The following MARK2 variants were observed in gnomAD, a reference collection of about 807,000 sequenced individuals.
The protein encoded by MARK2 is serine/threonine-protein kinase MARK2.
MARK2 carries 16 observed loss-of-function variants against 89.8 expected under a neutral mutation model. The observed-to-expected ratio is 0.18, with a 90% CI of 0.12 to 0.27. The LOEUF (loss-of-function observed/expected upper bound fraction) is 0.27, where lower values mean the gene tolerates loss of function less well. Ranked by LOEUF, MARK2 falls within the 10% of genes least tolerant of loss-of-function variation. The pLI, the probability that MARK2 is intolerant of heterozygous loss-of-function variation, is 1.00. For missense variants in MARK2, 621 were observed against 1,049.9 expected (o/e 0.59, Z 5.65); for synonymous variants, 382 against 399.5 (o/e 0.96, Z 0.52).
intron 1 of MARK2, among the ~76,000 whole-genome samples, chr11:63,885,359 C>T (rs913848897): frequency 7.3e-5 from 11 of 150,220 alleles, no homozygotes; most frequent in African/African-American, 2.5e-4. Context: ...GACAAGCTTG[C>T]AAAACCCTAT....
intron 1 of MARK2, chr11:63,869,009 C>T (rs764974383): frequency 2.7e-6 from 1 of 375,140 alleles, no homozygotes; most frequent in Non-Finnish European, 5.4e-6. Context: ...TTTCCGAGGC[C>T]ACTGTGAGTG....
chr11:63,842,528 G>A lies in MARK2; in HGVS notation c.54+2968G>A, dbSNP rs187775515. ...GCCTGATTCCTGTATTCTTTAAAAC[G>A]GGAAAAAAGACAAGCAGCAGCTCCT... On this transcript the variant is annotated intron_variant, in intron 1 of 18. Transcript: ENST00000402010. Among the ~76,000 whole-genome samples the A allele has an allele frequency of 1.8e-4, 27 of 152,050 alleles. No homozygotes were observed. In the East Asian group the frequency reaches 4.2e-3, roughly 24 times the overall value.
intron 1 of MARK2, chr11:63,890,399 C>T: frequency 9.3e-6 from 5 of 538,754 alleles, no homozygotes; most frequent in Non-Finnish European, 1.6e-5. Context: ...GAGCAAGCAC[C>T]AGTGCTTGTT....
intron 1 of MARK2, among the ~76,000 whole-genome samples, chr11:63,857,335 A>G (rs2016916889): frequency 6.6e-6 from 1 of 151,732 alleles, no homozygotes; most frequent in African/African-American, 2.4e-5. Flanking sequence ...TGATTTTTGC[A>G]TTTTAGTAGA....
At chr11:63,844,907 C>G (rs1201226135) in intron 1 of MARK2, among the ~76,000 whole-genome samples, 4 of 152,168 alleles carry the variant, frequency 2.6e-5, no homozygotes. Context: ...CATGAGGTTC[C>G]TACTTATGTA....
chr11:63,854,124 C>T (rs565452847), intron 1 of MARK2, among the ~76,000 whole-genome samples: 76 of 152,028 alleles, frequency 5.0e-4, no homozygotes, highest in Admixed American at 1.5e-3. Flanking sequence ...CCACCTGCCT[C>T]GGCCTCCCAA....
intron 1 of MARK2, among the ~76,000 whole-genome samples, chr11:63,842,287 G>A (rs1303812172): frequency 6.6e-6 from 1 of 150,998 alleles, no homozygotes; most frequent in African/African-American, 2.4e-5. Flanking sequence ...CACAATCTTG[G>A]CTCACTGCAA....
intron 1 of MARK2, among the ~76,000 whole-genome samples, chr11:63,848,243 A>C (rs555271581): frequency 3.4e-4 from 52 of 152,332 alleles, no homozygotes; most frequent in South Asian, 8.3e-4. Flanking sequence ...GCTCCAGCCT[A>C]GACCTTGTCC....
intron 1 of MARK2, among the ~76,000 whole-genome samples, chr11:63,878,667 C>CTCAAGTCTTCTTGAT (rs1270686491): frequency 3.9e-5 from 6 of 152,102 alleles, no homozygotes; most frequent in Non-Finnish European, 8.8e-5. Flanking sequence ...CCGCACCTGG[C>CTCAAGTCTTCTTGAT]TCAAGTCTTC....
chr11:63,846,189 C>G (rs1424015018), intron 1 of MARK2, among the ~76,000 whole-genome samples: 1 of 151,896 alleles, frequency 6.6e-6, no homozygotes, highest in African/African-American at 2.4e-5. Flanking sequence ...GGCTAGATCC[C>G]TTTATCTTCA....
At chr11:63,856,092 T>C (rs978168724) in intron 1 of MARK2, among the ~76,000 whole-genome samples, 1 of 152,130 alleles carries the variant, frequency 6.6e-6, no homozygotes, top group Admixed American at 6.5e-5. Context: ...GCCCTTGTCT[T>C]GATCGGTTGG....
At chr11:63,854,236 G>A (rs2016726534) in intron 1 of MARK2, among the ~76,000 whole-genome samples, 1 of 148,852 alleles carries the variant, frequency 6.7e-6, no homozygotes, top group African/African-American at 2.5e-5. Flanking sequence ...GTCTCACTGT[G>A]TCACTTAGGC....
chr11:63,890,446 T>C (rs535825171), intron 1 of MARK2, among the ~76,000 whole-genome samples: 254 of 152,322 alleles, frequency 1.7e-3, no homozygotes, highest in Non-Finnish European at 3.0e-3. Context: ...ACCTCCTCTC[T>C]TTCCCTGTCC....
chr11:63,839,794 C>A (rs980154791), intron 1 of MARK2, among the ~76,000 whole-genome samples: 1 of 151,958 alleles, frequency 6.6e-6, no homozygotes, highest in East Asian at 1.9e-4. Context: ...CCCGTCTCCC[C>A]TCACCGCCCT....
At position 63,909,003 on chromosome 11, in the gene MARK2, G is replaced by A; in HGVS notation, c.2133G>A (p.Met711Ile). The A allele has an allele frequency of 6.3e-7, 1 of 1,584,344 alleles. No individual in the cohort carries two copies. Among genetic ancestry groups the A allele is most frequent in the Non-Finnish European group, 8.6e-7 (1 of 1,156,082 alleles). Residue 711 changes from methionine to isoleucine, a missense_variant, in exon 19 of 19, where the codon ATG (methionine) becomes ATA (isoleucine). Physicochemically the swap from Met to Ile is conservative, Grantham distance 10. This residue lies in a region of MARK2 where 49 missense variants were observed against 46.7 expected (regional missense o/e 1.05). Coordinates refer to ENST00000402010, the MANE Select transcript of MARK2 (RefSeq NM_001039469.3). ...TTSSMEPNEM[M>I]REIRKVLDAN... ...GCTCCATGGAGCCCAACGAGATGAT[G>A]CGGGAGATCCGCAAGGTGCTGGACG...
At chr11:63,896,795 A>C (rs1434338967) in intron 3 of MARK2, among the ~76,000 whole-genome samples, 1 of 152,118 alleles carries the variant, frequency 6.6e-6, no homozygotes, top group Non-Finnish European at 1.5e-5. Flanking sequence ...TGCTTATGAC[A>C]TCCTGGCTCC....
At chr11:63,905,851 C>T (rs1186106467) in intron 16 of MARK2, among the ~76,000 whole-genome samples, 1 of 152,184 alleles carries the variant, frequency 6.6e-6, no homozygotes, top group Non-Finnish European at 1.5e-5. Context: ...CTCCACTCTG[C>T]TGGAGGAGCC....
chr11:63,904,035 G>A lies in MARK2; in HGVS notation c.1564G>A (p.Val522Ile). 6.2e-7 allele frequency: 1 copy of A among 1,606,766 alleles called. No homozygotes were observed. The highest frequency in any genetic ancestry group is 8.5e-7 in the Non-Finnish European group (1 of 1,179,120). Residue 522 changes from valine to isoleucine, a missense_variant, in exon 15 of 19, where the codon GTC (valine) becomes ATC (isoleucine). Physicochemically the swap from Val to Ile is conservative, Grantham distance 29. Transcript: ENST00000402010. The surrounding 1 kb of genome is among the most constrained non-coding windows in gnomAD (Gnocchi z 6.3). ...CTCCACGGCTTCTGCTTCTGCCGCA[G>A]TCTCTGCGGCCCGGCCCCGCCAGCA... ...RASTASASAA[V>I]SAARPRQHQK...
chr11:63,862,320 C>T (rs946152459), intron 1 of MARK2, among the ~76,000 whole-genome samples: 1 of 152,162 alleles, frequency 6.6e-6, no homozygotes, highest in African/African-American at 2.4e-5. Flanking sequence ...GCTACAAACC[C>T]AGGTGGTCCA....
Sources: gnomAD v4.1 joint callset for allele counts (sites outside exome capture counted in the v4.1 genomes callset) on GRCh38, gnomAD v4.1.1 for gene constraint, gnomAD v4.1.1 regional missense constraint, Gnocchi (gnomAD v3.1) non-coding constraint, MANE v1.5 for transcripts, NCBI Gene and HGNC (gene_info 2026-07-23, HGNC 2026-07-21) for gene names.